Variants in VPS39 observed in about 807,000 individuals in gnomAD.
VPS39 encodes the protein VPS39 subunit of HOPS complex, also known as vam6/Vps39-like protein.
In VPS39, 70 loss-of-function variants were observed where a neutral mutation model predicts 121.0. The ratio of observed to expected loss-of-function variants is 0.58; its 90% CI spans 0.48 to 0.71. The LOEUF (loss-of-function observed/expected upper bound fraction) is 0.71, where lower values mean the gene tolerates loss of function less well. Among genes scored for constraint, VPS39 ranks in the 30% least tolerant of loss-of-function variants. The probability of loss-of-function intolerance (pLI) is 0.00; values close to 1 mark genes in which losing one functional copy is unlikely to be tolerated. For synonymous variants in VPS39, 378 were observed against 398.1 expected, an observed-to-expected ratio of 0.95 and a Z score of 0.60; for missense variants, 818 against 1,051.5, an observed-to-expected ratio of 0.78 and a Z score of 3.07.
intron 17 of VPS39, 56 bp from the exon 18 acceptor site, chr15:42,165,169 C>T: frequency 6.5e-7 from 1 of 1,534,624 alleles, no homozygotes; most frequent in Non-Finnish European, 9.0e-7. Flanking sequence ...GACCTGGTCT[C>T]CCAGCCTCCC....
At chr15:42,176,645 T>C (rs2049457804) in intron 10 of VPS39, among the ~76,000 whole-genome samples, 1 of 152,116 alleles carries the variant, frequency 6.6e-6, no homozygotes, top group Non-Finnish European at 1.5e-5. Context: ...AAGAAAGCAA[T>C]CATCTTTATG....
Position 42,191,559 on chromosome 15 carries a change from A to G in VPS39, c.141T>C (p.Gly47=). ...LLLYRIRKDV[G]CNRFEVTLEK... ...CTAGTGTCACTTCAAATCTGTTGCA[A>G]CCTATGGAAAACAAATAAACACTGG... Residue 47 remains glycine (G), a splice_region_variant and synonymous_variant, in exon 3 of 25, where the codon GGT becomes GGC. Coordinates refer to ENST00000318006, the MANE Select transcript of VPS39 (RefSeq NM_015289.5). 1 of 1,613,706 alleles carries G rather than the reference A, an allele frequency of 6.2e-7. No homozygotes were observed. The highest frequency in any genetic ancestry group is 8.5e-7 in the Non-Finnish European group (1 of 1,179,864).
intron 13 of VPS39, 87 bp from the exon 14 acceptor site, chr15:42,167,000 C>A (rs2049256554): frequency 1.9e-6 from 3 of 1,567,256 alleles, no homozygotes; most frequent in Non-Finnish European, 1.7e-6. Flanking sequence ...GCTGAAAGGC[C>A]AGGAATGTAG....
At chr15:42,201,474 C>T (rs193260968) in intron 1 of VPS39, among the ~76,000 whole-genome samples, 1 of 152,324 alleles carries the variant, frequency 6.6e-6, no homozygotes, top group African/African-American at 2.4e-5. Context: ...TGTGCCCAGC[C>T]AAATTGTACA....
chr15:42,194,950 A>C (rs1011423636), intron 2 of VPS39, among the ~76,000 whole-genome samples: 8 of 151,580 alleles, frequency 5.3e-5, no homozygotes, highest in African/African-American at 1.9e-4. Context: ...AAAAAAAAAA[A>C]CAAAAAACGA....
At position 42,159,923 on chromosome 15, in the gene VPS39, C is replaced by G. The variant is rs1182311959; in HGVS notation, c.*831G>C. 2 of 152,282 alleles carry G rather than the reference C, an allele frequency of 1.3e-5. No homozygotes were observed. Among genetic ancestry groups the G allele is most frequent in the African/African-American group, 2.4e-5 (1 of 41,464 alleles). The allele number at this position is 152,282 out of a possible 1,614,324, so 9.4% of individuals were successfully genotyped here. ...TCACGCATACCCCAGACAGGGCAGGCCCATCCTCAGGAGCTGCAGTCACAC... is the reference window on the plus strand; with the variant it reads ...TCACGCATACCCCAGACAGGGCAGGGCCATCCTCAGGAGCTGCAGTCACAC... On this transcript the variant is annotated 3_prime_UTR_variant, in exon 25 of 25. Coordinates refer to ENST00000318006, the MANE Select transcript of VPS39 (RefSeq NM_015289.5).
chr15:42,172,785 GA>G (rs2049372898), intron 11 of VPS39, among the ~76,000 whole-genome samples: 1 of 152,054 alleles, frequency 6.6e-6, no homozygotes, highest in African/African-American at 2.4e-5. Context: ...TCAATTTTAT[GA>G]ATTCTTTCAA....
At chr15:42,189,077 A>C (rs952611524) in intron 5 of VPS39, 37 bp downstream of exon 5, 2 of 1,495,316 alleles carry the variant, frequency 1.3e-6, no homozygotes, top group African/African-American at 2.8e-5. Context: ...TGTATTGATT[A>C]AAGCATAAAG....
rs969237729 is a variant in VPS39, at chr15:42,187,445, T to C, written c.442-82A>G. 1.6e-5 allele frequency: 21 copies of C among 1,314,402 alleles called. No individual in the cohort carries two copies. In the East Asian group the frequency reaches 1.7e-4, roughly 11 times the overall value. 81.4% of individuals were successfully genotyped at this position (1,314,402 alleles called of 1,614,324 possible). ...CTTTCCTGTTATTCTGCAACCTCCA[T>C]TCTGCAAAACAACCCTCACCCTCAT... is the stretch of plus-strand genomic sequence containing the variant. On this transcript the variant is annotated intron_variant, in intron 6 of 24. Transcript: ENST00000318006.
chr15:42,164,512 G>C, intron 18 of VPS39, 26 bp from the exon 19 acceptor site: 1 of 1,612,868 alleles, frequency 6.2e-7, no homozygotes, highest in Non-Finnish European at 8.5e-7. Context: ...AGCTCAAAAT[G>C]AAAGGACACT....
At chr15:42,163,511 G>T in intron 20 of VPS39, 115 bp downstream of exon 20, 1 of 1,536,392 alleles carries the variant, frequency 6.5e-7, no homozygotes. Flanking sequence ...GGGCCAGGAC[G>T]GAGGCGATTC....
At chr15:42,163,545 GA>G (rs1182505149) in intron 20 of VPS39, 80 bp downstream of exon 20, 14 of 1,517,420 alleles carry the variant, frequency 9.2e-6, no homozygotes, top group Non-Finnish European at 1.2e-5. Context: ...GGAGTATGGG[GA>G]GATGGCCTTC....
chr15:42,194,634 G>A (rs1338281767), intron 2 of VPS39, among the ~76,000 whole-genome samples: 3 of 152,098 alleles, frequency 2.0e-5, no homozygotes, highest in Non-Finnish European at 4.4e-5. Flanking sequence ...TTGAGAGGCT[G>A]AGGCGGGAGG....
In VPS39 at chr15:42,161,363, T is replaced by A. The variant is rs113815429; in HGVS notation, c.2552+319A>T. 379 of 442,910 alleles carry A rather than the reference T, an allele frequency of 8.6e-4. 1 individual carries two copies. The highest frequency in any genetic ancestry group is 4.8e-3 in the African/African-American group (240 of 50,122). 27.4% of individuals were successfully genotyped at this position (442,910 alleles called of 1,614,324 possible). On this transcript the variant is annotated intron_variant, in intron 24 of 24. Transcript: ENST00000318006. ...AAGATCTTTTTCTTCCTTCACTGGA[T>A]CTTCCTTATAAGAACTTTCTGCAGA...
chr15:42,171,939 C>G (rs898780007), intron 11 of VPS39, among the ~76,000 whole-genome samples: 1 of 152,142 alleles, frequency 6.6e-6, no homozygotes, highest in Non-Finnish European at 1.5e-5. Context: ...AAACCTCTTT[C>G]TCCACCCCTA....
chr15:42,186,825 T>A (rs935100785), intron 7 of VPS39, among the ~76,000 whole-genome samples: 1 of 152,224 alleles, frequency 6.6e-6, no homozygotes, highest in Non-Finnish European at 1.5e-5. Context: ...ACGTGGCTTT[T>A]GAAATTTAAA....
At chr15:42,177,392 A>G (rs1057082005) in intron 10 of VPS39, among the ~76,000 whole-genome samples, 5 of 152,072 alleles carry the variant, frequency 3.3e-5, no homozygotes, top group Admixed American at 2.6e-4. Context: ...TGCTGTGAAC[A>G]AGATCCCTTG....
In VPS39 at chr15:42,160,709, G is replaced by A. The variant is rs754519578; in HGVS notation, c.*45C>T. The A allele has an allele frequency of 3.8e-6, 6 of 1,570,258 alleles. No individual in the cohort carries two copies. Among genetic ancestry groups the A allele is most frequent in the Non-Finnish European group, 5.3e-6 (6 of 1,140,140 alleles). On this transcript the variant is annotated 3_prime_UTR_variant, in exon 25 of 25. Transcript: ENST00000318006. ...AGGCCAGGTGCTCCTTCACCTCTCT[G>A]GGAGAGCCAAGCTGTCCATCCGCTG... is the stretch of plus-strand genomic sequence containing the variant.
At chr15:42,202,880 T>C (rs966437952) in intron 1 of VPS39, among the ~76,000 whole-genome samples, 6 of 152,214 alleles carry the variant, frequency 3.9e-5, no homozygotes, top group Admixed American at 2.0e-4. Context: ...TCTCTGATGC[T>C]GTCACACTGG....
Sources: allele counts gnomAD v4.1 joint callset (sites outside exome capture counted in the v4.1 genomes callset), GRCh38; gene constraint gnomAD v4.1.1; transcripts MANE v1.5; gene names NCBI Gene and HGNC (gene_info 2026-07-23, HGNC 2026-07-21).